The following SLIT3 variants were observed in gnomAD, a reference collection of about 807,000 sequenced individuals.
The protein encoded by SLIT3 is slit guidance ligand 3.
In SLIT3, 68 loss-of-function variants were observed where a neutral mutation model predicts 184.0. That is an observed-to-expected ratio of 0.37 (90% CI 0.30 to 0.45). The LOEUF (loss-of-function observed/expected upper bound fraction) is 0.45, where lower values mean the gene tolerates loss of function less well. Ranked by LOEUF, SLIT3 falls within the 20% of genes least tolerant of loss-of-function variation. The probability of loss-of-function intolerance (pLI) is 1.00; values close to 1 mark genes in which losing one functional copy is unlikely to be tolerated. For synonymous variants in SLIT3, 831 were observed against 828.6 expected, an observed-to-expected ratio of 1.00 and a Z score of -0.05; for missense variants, 1,707 against 2,026.0, an observed-to-expected ratio of 0.84 and a Z score of 3.02.
intron 4 of SLIT3, among the ~76,000 whole-genome samples, chr5:169,179,419 G>A (rs147504850): frequency 2.0e-5 from 3 of 151,958 alleles, no homozygotes; most frequent in South Asian, 2.1e-4. Flanking sequence ...AAAAATCAAT[G>A]AGGCCTAGAG....
intron 11 of SLIT3, 123 bp from the exon 12 acceptor site, chr5:168,786,101 G>T: frequency 1.5e-6 from 1 of 678,000 alleles, no homozygotes; most frequent in Non-Finnish European, 2.6e-6. Flanking sequence ...CCCTTCCACG[G>T]CCTGCCTAAT....
At chr5:169,003,143 C>A (rs1755778842) in intron 4 of SLIT3, among the ~76,000 whole-genome samples, 1 of 152,222 alleles carries the variant, frequency 6.6e-6, no homozygotes, top group South Asian at 2.1e-4. Flanking sequence ...TATGTATCTA[C>A]ATATGTATGC....
chr5:168,825,384 A>G (rs1295804372), intron 6 of SLIT3, among the ~76,000 whole-genome samples: 1 of 152,102 alleles, frequency 6.6e-6, no homozygotes, highest in African/African-American at 2.4e-5. Context: ...GGCCCAGACT[A>G]TCCGTGTAAT....
At chr5:168,997,186 T>C (rs1483089911) in intron 4 of SLIT3, among the ~76,000 whole-genome samples, 1 of 152,128 alleles carries the variant, frequency 6.6e-6, no homozygotes. Flanking sequence ...ACACAGGGTC[T>C]GGAAGCTGGT....
At chr5:169,017,626 C>A (rs1756438963) in intron 4 of SLIT3, among the ~76,000 whole-genome samples, 1 of 152,204 alleles carries the variant, frequency 6.6e-6, no homozygotes. Flanking sequence ...CCACAAGCCT[C>A]TGCATGGCAA....
chr5:169,177,964 C>T (rs1273901881), intron 4 of SLIT3, among the ~76,000 whole-genome samples: 5 of 152,266 alleles, frequency 3.3e-5, no homozygotes, highest in East Asian at 1.9e-4. Context: ...ATCACTCTCA[C>T]GTGAGGTTTG....
At chr5:169,193,206 C>A (rs1763616369) in intron 4 of SLIT3, among the ~76,000 whole-genome samples, 1 of 152,308 alleles carries the variant, frequency 6.6e-6, no homozygotes, top group African/African-American at 2.4e-5. Flanking sequence ...TCCATGGAAG[C>A]ATCGCCTCCC....
chr5:169,097,091 T>C (rs1759813918), intron 4 of SLIT3, among the ~76,000 whole-genome samples: 1 of 152,200 alleles, frequency 6.6e-6, no homozygotes, highest in African/African-American at 2.4e-5. Flanking sequence ...ACAGAGCTCC[T>C]GAGTGCCACC....
intron 5 of SLIT3, among the ~76,000 whole-genome samples, chr5:168,873,996 G>A (rs1202493987): frequency 6.6e-6 from 1 of 152,140 alleles, no homozygotes; most frequent in Non-Finnish European, 1.5e-5. Flanking sequence ...CAAAGACTCA[G>A]TCCAATGGCA....
intron 1 of SLIT3, among the ~76,000 whole-genome samples, chr5:169,264,592 C>T (rs1413346373): frequency 6.6e-6 from 1 of 152,138 alleles, no homozygotes; most frequent in Non-Finnish European, 1.5e-5. Flanking sequence ...CTAATGCCAC[C>T]CACCCAGCTA....
rs1761042201 is a variant in SLIT3 at position 168,666,386 on chromosome 5, G to A, written c.*68C>T. 2.8e-6 allele frequency: 4 copies of A among 1,409,404 alleles called. No homozygotes were observed. The Admixed American group carries it at 1.1e-4, about 40-fold the overall frequency. 87.3% of individuals were successfully genotyped at this position (1,409,404 alleles called of 1,614,324 possible). ...TTTCCTTCATGCTGAATCACCAGGG[G>A]GTCCCACATGGCTGTCCCAACTCCA... On this transcript the variant is annotated 3_prime_UTR_variant, in exon 36 of 36. Coordinates refer to ENST00000519560, the MANE Select transcript of SLIT3 (RefSeq NM_003062.4).
intron 4 of SLIT3, among the ~76,000 whole-genome samples, chr5:168,898,629 G>A (rs1288919408): frequency 1.3e-5 from 2 of 152,104 alleles, no homozygotes; most frequent in Non-Finnish European, 2.9e-5. Context: ...ATTAAAAGAG[G>A]ACATAATTGA....
At chr5:168,777,808 G>A (rs1755815751) in intron 12 of SLIT3, among the ~76,000 whole-genome samples, 1 of 152,314 alleles carries the variant, frequency 6.6e-6, no homozygotes, top group South Asian at 2.1e-4. Flanking sequence ...CCCAGCATCA[G>A]CAAGATCTAA....
At chr5:168,723,104 T>G in intron 21 of SLIT3, 100 bp from the exon 22 acceptor site, 1 of 801,600 alleles carries the variant, frequency 1.2e-6, no homozygotes, top group Non-Finnish European at 2.2e-6. Context: ...CCCACTCATC[T>G]ACCCATCCAC....
At chr5:169,020,868 C>T (rs1288269703) in intron 4 of SLIT3, among the ~76,000 whole-genome samples, 1 of 152,212 alleles carries the variant, frequency 6.6e-6, no homozygotes, top group East Asian at 1.9e-4. Flanking sequence ...TCTTCCCCAT[C>T]ACTGACCAGT....
intron 4 of SLIT3, among the ~76,000 whole-genome samples, chr5:169,044,753 C>A (rs1264932061): frequency 1.3e-5 from 2 of 151,490 alleles, no homozygotes; most frequent in Non-Finnish European, 2.9e-5. Flanking sequence ...AACTATATCT[C>A]AAGAAAAAAA....
intron 6 of SLIT3, among the ~76,000 whole-genome samples, chr5:168,827,754 C>A (rs1181219578): frequency 6.6e-6 from 1 of 152,168 alleles, no homozygotes; most frequent in African/African-American, 2.4e-5. Flanking sequence ...GCTCCCCAGG[C>A]GGGATGAATA....
chr5:168,961,133 T>G lies in SLIT3; in HGVS notation c.414-77797A>C, dbSNP rs199726834. On this transcript the variant is annotated intron_variant, in intron 4 of 35. Transcript: ENST00000519560. ...CCATTCCTTACCTCCCCTTTCCCCC[T>G]TCACTGCTAAAATATCCAGTGAGAG... Among the ~76,000 whole-genome samples, 31 of 152,296 alleles carry G rather than the reference T, an allele frequency of 2.0e-4. No individual in the cohort carries two copies. In the East Asian group the frequency reaches 5.4e-3, roughly 27 times the overall value.
At chr5:168,864,828 G>A (rs1489550979) in intron 5 of SLIT3, among the ~76,000 whole-genome samples, 1 of 152,188 alleles carries the variant, frequency 6.6e-6, no homozygotes, top group Non-Finnish European at 1.5e-5. Context: ...TCCCTACTCT[G>A]GTATTTGCCA....
Sources: gnomAD v4.1 joint callset for allele counts (sites outside exome capture counted in the v4.1 genomes callset) on GRCh38, gnomAD v4.1.1 for gene constraint, MANE v1.5 for transcripts, NCBI Gene and HGNC (gene_info 2026-07-23, HGNC 2026-07-21) for gene names.